Variants in ABCB1 observed in about 807,000 individuals in gnomAD.
ABCB1 encodes ATP-dependent translocase ABCB1.
Under a neutral mutation model 142.0 loss-of-function variants are expected in ABCB1, and 69 were observed. The observed-to-expected ratio is 0.49, with a 90% CI of 0.40 to 0.59. ABCB1 has a LOEUF of 0.59. Among genes scored for constraint, ABCB1 ranks in the 20% least tolerant of loss-of-function variants. The probability of loss-of-function intolerance (pLI) is 0.00; values close to 1 mark genes in which losing one functional copy is unlikely to be tolerated. For missense variants in ABCB1, 1,326 were observed against 1,554.7 expected, an observed-to-expected ratio of 0.85 and a Z score of 2.47; for synonymous variants, 532 against 539.2, an observed-to-expected ratio of 0.99 and a Z score of 0.18.
At chr7:87,620,038 T>C (rs999592984) in intron 1 of ABCB1, among the ~76,000 whole-genome samples, 1 of 152,164 alleles carries the variant, frequency 6.6e-6, no homozygotes, top group Admixed American at 6.5e-5. Context: ...AAAATTATTT[T>C]ATGAGAAAAA....
chr7:87,540,803 T>A (rs917344702), intron 18 of ABCB1, among the ~76,000 whole-genome samples: 1 of 152,236 alleles, frequency 6.6e-6, no homozygotes, highest in African/African-American at 2.4e-5. Context: ...TTCAGCCAAA[T>A]GATTTGCAAG....
At position 87,531,418 on chromosome 7, in the gene ABCB1, C is replaced by T. The variant is rs1816052093; in HGVS notation, c.2561G>A (p.Gly854Asp). Residue 854 changes from glycine (G) to aspartate (D), a missense_variant, in exon 21 of 28, where the codon GGT becomes GAT. Gly to Asp is a moderately conservative substitution (Grantham distance 94, BLOSUM62 -1). Coordinates refer to ENST00000622132, the MANE Select transcript of ABCB1 (RefSeq NM_001348946.2). ...GTGIIISFIYGWQLTLLLLAI... is the reference protein window; with the variant it reads ...GTGIIISFIYDWQLTLLLLAI... ...TAAGAGTAACAGTGTTAGTTGCCAA[C>T]CATAGATGAAGGATATAATTATTCC... 5 of 1,613,328 alleles carry T rather than the reference C, an allele frequency of 3.1e-6. No individual in the cohort carries two copies. Among genetic ancestry groups the T allele is most frequent in the Non-Finnish European group, 4.2e-6 (5 of 1,179,704 alleles).
intron 1 of ABCB1, among the ~76,000 whole-genome samples, chr7:87,681,141 G>A (rs1330051069): frequency 6.6e-6 from 1 of 150,502 alleles, no homozygotes; most frequent in Non-Finnish European, 1.5e-5. Flanking sequence ...TCATAAAGAA[G>A]TAGATAACAC....
At chr7:87,521,301 T>C (rs1016496986) in intron 21 of ABCB1, among the ~76,000 whole-genome samples, 11 of 152,196 alleles carry the variant, frequency 7.2e-5, no homozygotes, top group South Asian at 2.1e-4. Context: ...TTTGTGACAA[T>C]TGAAGAATGT....
intron 1 of ABCB1, among the ~76,000 whole-genome samples, chr7:87,698,413 A>G (rs1190212522): frequency 6.6e-6 from 1 of 152,182 alleles, no homozygotes; most frequent in Non-Finnish European, 1.5e-5. Context: ...ATTTTTAAAG[A>G]GACATTGAAT....
chr7:87,546,109 T>C, intron 14 of ABCB1, 85 bp from the exon 15 acceptor site: 8 of 1,371,818 alleles, frequency 5.8e-6, no homozygotes, highest in Non-Finnish European at 8.3e-6. Flanking sequence ...ACTGAACCAA[T>C]GCTGTGGGCA....
intron 1 of ABCB1, among the ~76,000 whole-genome samples, chr7:87,630,880 CTTAT>C (rs1456012956): frequency 6.6e-6 from 1 of 151,978 alleles, no homozygotes; most frequent in Non-Finnish European, 1.5e-5. Context: ...GTATTTCAAC[CTTAT>C]TTAAACTAAA....
chr7:87,596,050 A>T (rs1819194707), intron 2 of ABCB1, among the ~76,000 whole-genome samples: 1 of 152,026 alleles, frequency 6.6e-6, no homozygotes. Flanking sequence ...TCTCTCTAAA[A>T]ATATTTTCTT....
chr7:87,521,171 GA>G, intron 21 of ABCB1: 1 of 416,570 alleles, frequency 2.4e-6, no homozygotes, highest in East Asian at 5.1e-5. Context: ...ATTAACCAGA[GA>G]ACTCACAGTA....
At chr7:87,594,499 GT>G (rs1263492262) in intron 3 of ABCB1, among the ~76,000 whole-genome samples, 2 of 152,046 alleles carry the variant, frequency 1.3e-5, no homozygotes, top group Admixed American at 1.3e-4. Flanking sequence ...GACTCCTAAG[GT>G]TTAAAAAAAT....
rs41296639 is a variant in ABCB1, at chr7:87,504,024, T to C, written c.*219A>G. 2.2e-5 allele frequency: 13 copies of C among 603,314 alleles called. No homozygotes were observed. The African/African-American group carries it at 2.4e-4, about 11-fold the overall frequency. The allele number at this position is 603,314 out of a possible 1,614,324, so 37.4% of individuals were successfully genotyped here. Reference sequence around the variant, plus strand: ...TTTAAAATCTACTTTAATTCTGTTATAAAATTTATAATGCAGTTTAAACTA... The same window carrying C: ...TTTAAAATCTACTTTAATTCTGTTACAAAATTTATAATGCAGTTTAAACTA... On this transcript the variant is annotated 3_prime_UTR_variant, in exon 28 of 28. Coordinates refer to ENST00000622132, the MANE Select transcript of ABCB1 (RefSeq NM_001348946.2).
intron 1 of ABCB1, among the ~76,000 whole-genome samples, chr7:87,680,621 C>T (rs1444641461): frequency 6.7e-6 from 1 of 149,972 alleles, no homozygotes; most frequent in African/African-American, 2.5e-5. Flanking sequence ...GGTGAAACCC[C>T]GTTTCTACCA....
chr7:87,637,972 T>C (rs1402204306), intron 1 of ABCB1, among the ~76,000 whole-genome samples: 2 of 152,120 alleles, frequency 1.3e-5, no homozygotes, highest in Non-Finnish European at 2.9e-5. Flanking sequence ...TTAAATAGGA[T>C]GTTTGCAGTA....
chr7:87,667,532 A>G (rs964746662), intron 1 of ABCB1, among the ~76,000 whole-genome samples: 3 of 151,778 alleles, frequency 2.0e-5, no homozygotes, highest in Non-Finnish European at 4.4e-5. Flanking sequence ...ACTATTTTTA[A>G]TAGTAGTGGT....
chr7:87,508,946 AC>A (rs2117065824), intron 26 of ABCB1, among the ~76,000 whole-genome samples: 2 of 152,274 alleles, frequency 1.3e-5, no homozygotes, highest in Non-Finnish European at 2.9e-5. Context: ...TATTGTACTT[AC>A]CCCTAAGGCT....
At chr7:87,704,739 G>A (rs930466466) in intron 1 of ABCB1, among the ~76,000 whole-genome samples, 1 of 152,216 alleles carries the variant, frequency 6.6e-6, no homozygotes, top group Non-Finnish European at 1.5e-5. Context: ...AGTGGGGAAA[G>A]AGAATTATTT....
chr7:87,691,668 C>T (rs142159877), intron 1 of ABCB1, among the ~76,000 whole-genome samples: 11 of 152,194 alleles, frequency 7.2e-5, no homozygotes, highest in Non-Finnish European at 1.6e-4. Flanking sequence ...TAAGGATTTA[C>T]GTTTTATATA....
chr7:87,567,444 A>C (rs1817826902), intron 5 of ABCB1, among the ~76,000 whole-genome samples: 1 of 152,220 alleles, frequency 6.6e-6, no homozygotes. Flanking sequence ...TCAGTTGATA[A>C]GTGCATTGGG....
At chr7:87,563,835 T>C (rs1817674913) in intron 7 of ABCB1, among the ~76,000 whole-genome samples, 1 of 151,628 alleles carries the variant, frequency 6.6e-6, no homozygotes, top group Non-Finnish European at 1.5e-5. Context: ...TATGCAGCCA[T>C]AAAAAAAATG....
Sources: gnomAD v4.1 joint callset for allele counts (sites outside exome capture counted in the v4.1 genomes callset) on GRCh38, gnomAD v4.1.1 for gene constraint, MANE v1.5 for transcripts, NCBI Gene and HGNC (gene_info 2026-07-23, HGNC 2026-07-21) for gene names.